The following TRDN variants were observed in gnomAD, a reference collection of about 807,000 sequenced individuals.
The protein encoded by TRDN is triadin in skeletal muscle.
In TRDN, 161 loss-of-function variants were observed where a neutral mutation model predicts 149.7. That is an observed-to-expected ratio of 1.08 (90% CI 0.95 to 1.23). The LOEUF (loss-of-function observed/expected upper bound fraction) is 1.23. TRDN is among the 50% of genes most tolerant of loss of function. TRDN has a pLI of 0.00. For missense variants in TRDN, 896 were observed against 823.5 expected (o/e 1.09, Z -1.08); for synonymous variants, 294 against 250.5 (o/e 1.17, Z -1.64).
At chr6:123,426,391 A>G (rs1199261475) in intron 12 of TRDN, among the ~76,000 whole-genome samples, 1 of 152,148 alleles carries the variant, frequency 6.6e-6, no homozygotes, top group Non-Finnish European at 1.5e-5. Context: ...GCATTCTTTC[A>G]AAAGCTAACT....
chr6:123,318,455 C>A (rs962568848), intron 23 of TRDN, among the ~76,000 whole-genome samples: 1 of 151,964 alleles, frequency 6.6e-6, no homozygotes, highest in Non-Finnish European at 1.5e-5. Context: ...GTGGCAGAAC[C>A]AAGATTCCAT....
intron 10 of TRDN, chr6:123,456,685 T>C: frequency 2.6e-6 from 1 of 387,218 alleles, no homozygotes; most frequent in Admixed American, 3.0e-5. Flanking sequence ...CCCAGGCTGG[T>C]CTCTAACTCC....
intron 8 of TRDN, chr6:123,502,616 T>C: frequency 1.0e-6 from 1 of 984,944 alleles, no homozygotes; most frequent in Non-Finnish European, 1.2e-6. Flanking sequence ...ACGAGTGCAT[T>C]GCAAATTTCA....
chr6:123,605,675 A>C (rs1784499928), intron 1 of TRDN, among the ~76,000 whole-genome samples: 1 of 151,906 alleles, frequency 6.6e-6, no homozygotes, highest in Non-Finnish European at 1.5e-5. Context: ...GAGGCAGGAG[A>C]ATTGCTTGAA....
At chr6:123,226,490 G>C (rs1399727641) in intron 38 of TRDN, among the ~76,000 whole-genome samples, 1 of 151,774 alleles carries the variant, frequency 6.6e-6, no homozygotes, top group African/African-American at 2.4e-5. Flanking sequence ...CAAATGGAAG[G>C]AATAAAGACC....
intron 19 of TRDN, among the ~76,000 whole-genome samples, chr6:123,374,418 T>A (rs1416432534): frequency 6.6e-6 from 1 of 152,180 alleles, no homozygotes; most frequent in Non-Finnish European, 1.5e-5. Context: ...TTCTACAGAC[T>A]AAGTATCAGC....
intron 10 of TRDN, among the ~76,000 whole-genome samples, chr6:123,449,653 T>A (rs923605083): frequency 1.3e-5 from 2 of 152,106 alleles, no homozygotes; most frequent in South Asian, 4.1e-4. Flanking sequence ...TTTGGGGGAA[T>A]AATCAAGGAA....
At chr6:123,224,678 T>C (rs1244140676) in intron 38 of TRDN, among the ~76,000 whole-genome samples, 1 of 151,748 alleles carries the variant, frequency 6.6e-6, no homozygotes, top group African/African-American at 2.4e-5. Flanking sequence ...CTCTTCAATA[T>C]ATACTGTTGG....
intron 10 of TRDN, chr6:123,456,794 C>T (rs778003952): frequency 2.2e-6 from 1 of 455,942 alleles, no homozygotes; most frequent in South Asian, 1.5e-5. Context: ...ACTGTTTACT[C>T]CATCTATGTA....
chr6:123,324,721 G>A (rs546647397), intron 23 of TRDN, among the ~76,000 whole-genome samples: 1 of 152,104 alleles, frequency 6.6e-6, no homozygotes, highest in Non-Finnish European at 1.5e-5. Flanking sequence ...TTAACATTTT[G>A]GATGAAGATT....
At chr6:123,351,040 T>C (rs1780443663) in intron 21 of TRDN, 1 of 909,126 alleles carries the variant, frequency 1.1e-6, no homozygotes, top group Non-Finnish European at 1.3e-6. Flanking sequence ...ATTATTAGTG[T>C]GGGTGTTTTA....
At chr6:123,269,038 C>T (rs1384396265) in intron 31 of TRDN, among the ~76,000 whole-genome samples, 1 of 151,954 alleles carries the variant, frequency 6.6e-6, no homozygotes, top group Admixed American at 6.6e-5. Flanking sequence ...ATTTTGCATG[C>T]AAGAGCCAGA....
chr6:123,297,336 G>C (rs1778240499), intron 24 of TRDN, among the ~76,000 whole-genome samples: 1 of 151,998 alleles, frequency 6.6e-6, no homozygotes, highest in African/African-American at 2.4e-5. Context: ...GTTCAAAGGT[G>C]ATTAAAGTGA....
intron 22 of TRDN, 62 bp downstream of exon 22, chr6:123,337,557 T>C: frequency 1.3e-6 from 1 of 797,482 alleles, no homozygotes; most frequent in Non-Finnish European, 1.8e-6. Context: ...TAATGTACTG[T>C]GTTCTCAATA....
At chr6:123,508,449 G>GTTTTTAGT (rs1779026989) in intron 7 of TRDN, among the ~76,000 whole-genome samples, 1 of 152,088 alleles carries the variant, frequency 6.6e-6, no homozygotes, top group African/African-American at 2.4e-5. Flanking sequence ...AGTGACCAAG[G>GTTTTTAGT]CAGCAATAAC....
At chr6:123,351,013 A>G (rs1240349931) in intron 21 of TRDN, 3 of 982,244 alleles carry the variant, frequency 3.1e-6, no homozygotes, top group African/African-American at 3.5e-5. Flanking sequence ...TTTCAAATCA[A>G]TTGTCTGTTT....
At chr6:123,521,649 G>A (rs1231262263) in intron 5 of TRDN, among the ~76,000 whole-genome samples, 2 of 152,050 alleles carry the variant, frequency 1.3e-5, no homozygotes, top group Non-Finnish European at 2.9e-5. Flanking sequence ...GTAATAATTA[G>A]ACTTCTGTTG....
At chr6:123,225,887 T>C (rs527841004) in intron 38 of TRDN, among the ~76,000 whole-genome samples, 42 of 151,782 alleles carry the variant, frequency 2.8e-4, no homozygotes, top group Non-Finnish European at 4.1e-4. Flanking sequence ...GATGCTTTAA[T>C]TTTTAACATT....
intron 38 of TRDN, among the ~76,000 whole-genome samples, chr6:123,238,625 T>A (rs1273459146): frequency 2.0e-5 from 3 of 152,142 alleles, no homozygotes; most frequent in Non-Finnish European, 4.4e-5. Context: ...GTAAATAGTC[T>A]ACGTCCATCA....
Sources: allele counts gnomAD v4.1 joint callset (sites outside exome capture counted in the v4.1 genomes callset), GRCh38; gene constraint gnomAD v4.1.1; transcripts MANE v1.5; gene names NCBI Gene and HGNC (gene_info 2026-07-23, HGNC 2026-07-21).